Variants in MELK observed in about 807,000 individuals in gnomAD.
The protein encoded by MELK is pEg3 kinase.
MELK carries 81 observed loss-of-function variants against 85.0 expected under a neutral mutation model. The observed-to-expected ratio is 0.95, with a 90% CI of 0.80 to 1.15. The LOEUF (loss-of-function observed/expected upper bound fraction) is 1.15, where lower values mean the gene tolerates loss of function less well. Among genes scored for constraint, MELK ranks in the 50% most tolerant of loss-of-function variants. MELK has a pLI of 0.00. For missense variants in MELK, 754 were observed against 777.5 expected (o/e 0.97, Z 0.36); for synonymous variants, 252 against 265.0 (o/e 0.95, Z 0.48).
chr9:36,596,958 T>C (rs972483264), intron 5 of MELK, among the ~76,000 whole-genome samples: 3 of 152,232 alleles, frequency 2.0e-5, no homozygotes, highest in African/African-American at 4.8e-5. Context: ...ACCCGGACTT[T>C]TTAACAGAAA....
chr9:36,669,387 G>A lies in MELK; in HGVS notation c.1486G>A (p.Val496Ile). The A allele has an allele frequency of 2.5e-6, 4 of 1,604,206 alleles. No individual in the cohort carries two copies. The highest frequency in any genetic ancestry group is 3.4e-6 in the Non-Finnish European group (4 of 1,176,332). Residue 496 changes from valine to isoleucine, a missense_variant, in exon 15 of 18, where the codon GTC becomes ATC. By Grantham distance (29) the Val-to-Ile change is conservative. Coordinates refer to ENST00000298048, the MANE Select transcript of MELK (RefSeq NM_014791.4). Reference sequence around the variant, plus strand: ...AGGAACAGACAAGTTAATGACAGGTGTCATTAGCCCTGAGAGGCGGTAAGT... The same window carrying A: ...AGGAACAGACAAGTTAATGACAGGTATCATTAGCCCTGAGAGGCGGTAAGT... ...STGTDKLMTG[V>I]ISPERRCRSV...
At chr9:36,675,050 CTG>C in intron 17 of MELK, 113 bp downstream of exon 17, 1 of 641,042 alleles carries the variant, frequency 1.6e-6, no homozygotes, top group Non-Finnish European at 2.7e-6. Context: ...CTTTGGGAGG[CTG>C]AGGTGGGCAG....
intron 12 of MELK, among the ~76,000 whole-genome samples, chr9:36,656,548 T>TA (rs1195284113): frequency 6.6e-6 from 1 of 152,246 alleles, no homozygotes. Context: ...TTGTGCTGCA[T>TA]AAAGACAACG....
intron 2 of MELK, among the ~76,000 whole-genome samples, chr9:36,582,534 C>G (rs1822365589): frequency 6.6e-6 from 1 of 152,032 alleles, no homozygotes; most frequent in South Asian, 2.1e-4. Context: ...TATGTACACA[C>G]CTATGTGTGT....
chr9:36,580,691 T>C (rs545812332), intron 1 of MELK, among the ~76,000 whole-genome samples: 5 of 152,004 alleles, frequency 3.3e-5, no homozygotes, highest in Non-Finnish European at 7.4e-5. Context: ...AGACACCCTT[T>C]TCCATGTTTT....
rs984580930 is a variant in MELK at position 36,587,610 on chromosome 9, G to GC, written c.145-1919dup. ...GATTACAGGCATGAGCCACTGTAGAGCCCCCCCGCCTTTTTTTTTCTGATA... is the reference window on the plus strand; with the variant it reads ...GATTACAGGCATGAGCCACTGTAGAGCCCCCCCCGCCTTTTTTTTTCTGATA... On this transcript the variant is annotated intron_variant, in intron 3 of 17. Coordinates refer to ENST00000298048, the MANE Select transcript of MELK (RefSeq NM_014791.4). 9.6e-5 allele frequency among the ~76,000 whole-genome samples: 14 copies of GC among 146,464 alleles called. No homozygotes were observed. The South Asian group carries it at 2.5e-3, about 26-fold the overall frequency.
intron 10 of MELK, among the ~76,000 whole-genome samples, chr9:36,633,456 C>G (rs573587128): frequency 6.6e-6 from 1 of 152,256 alleles, no homozygotes; most frequent in East Asian, 1.9e-4. Flanking sequence ...CCAGGTGTTT[C>G]TCATGTGCAG....
intron 15 of MELK, among the ~76,000 whole-genome samples, chr9:36,670,581 A>G (rs961333581): frequency 6.6e-6 from 1 of 151,382 alleles, no homozygotes; most frequent in Non-Finnish European, 1.5e-5. Flanking sequence ...ATATACATTG[A>G]TGTATATATA....
At chr9:36,650,913 G>A (rs1387968711) in intron 11 of MELK, among the ~76,000 whole-genome samples, 1 of 152,260 alleles carries the variant, frequency 6.6e-6, no homozygotes, top group Non-Finnish European at 1.5e-5. Flanking sequence ...GTAAAGTGTT[G>A]GAAAGGGTGG....
chr9:36,597,282 A>G lies in MELK; in HGVS notation c.466A>G (p.Lys156Glu). 6 of 1,612,684 alleles carry G rather than the reference A, an allele frequency of 3.7e-6. No individual in the cohort carries two copies. Among genetic ancestry groups the G allele is most frequent in the Non-Finnish European group, 5.1e-6 (6 of 1,178,796 alleles). Residue 156 changes from lysine (K) to glutamate (E), a missense_variant, in exon 6 of 18, where the codon AAA becomes GAA. By Grantham distance (56) the Lys-to-Glu change is moderately conservative (BLOSUM62 1). Coordinates refer to ENST00000298048, the MANE Select transcript of MELK (RefSeq NM_014791.4). ...LKLIDFGLCAKPKGNKDYHLQ... is the reference protein window; with the variant it reads ...LKLIDFGLCAEPKGNKDYHLQ... ...GCTGATTGACTTTGGTCTCTGTGCAAAACCCAAGGTAAGTGCAGAAATAAG... is the reference window on the plus strand; with the variant it reads ...GCTGATTGACTTTGGTCTCTGTGCAGAACCCAAGGTAAGTGCAGAAATAAG...
At chr9:36,605,750 A>G (rs1825415477) in intron 7 of MELK, among the ~76,000 whole-genome samples, 1 of 151,620 alleles carries the variant, frequency 6.6e-6, no homozygotes, top group Non-Finnish European at 1.5e-5. Context: ...TAGTATAAGT[A>G]CTACCCAGAT....
chr9:36,609,839 T>C (rs1040818628), intron 8 of MELK, among the ~76,000 whole-genome samples: 1 of 152,208 alleles, frequency 6.6e-6, no homozygotes, highest in African/African-American at 2.4e-5. Context: ...ATAGAAAAGA[T>C]CTATGAAACT....
Position 36,610,363 on chromosome 9 carries a change from A to G in MELK, c.666+2690A>G, listed in dbSNP as rs374819690. Among the ~76,000 whole-genome samples the G allele has an allele frequency of 2.6e-5, 4 of 152,248 alleles. No homozygotes were observed. The East Asian group carries it at 7.7e-4, about 29-fold the overall frequency. On this transcript the variant is annotated intron_variant, in intron 8 of 17. Transcript: ENST00000298048. ...GAAGATTCTTTAAAGTTGATTCCCA[A>G]GCTTCAGAGAATAGCTTTGGAAAGA...
chr9:36,655,060 T>C (rs1831097361), intron 12 of MELK, among the ~76,000 whole-genome samples: 1 of 152,218 alleles, frequency 6.6e-6, no homozygotes, highest in Admixed American at 6.5e-5. Flanking sequence ...CAGTACAGAC[T>C]GATCCAAGAA....
chr9:36,651,798 C>G lies in MELK; in HGVS notation c.974C>G (p.Ala325Gly). The change falls in exon 12 of 18, where the codon GCT becomes GGT. Residue 325 changes from alanine to glycine, a missense_variant. Physicochemically the swap from Ala to Gly is moderately conservative, Grantham distance 60 (BLOSUM62 0). Transcript: ENST00000298048. ...TATCTTCTGCTTCTAGCCAAGAAGGCTCGGGGAAAACCAGTTCGTTTAAGG... is the reference window on the plus strand; with the variant it reads ...TATCTTCTGCTTCTAGCCAAGAAGGGTCGGGGAAAACCAGTTCGTTTAAGG... ...ATYLLLLAKK[A>G]RGKPVRLRLS... is the part of the protein sequence containing the mutation. The G allele has an allele frequency of 6.2e-7, 1 of 1,613,980 alleles. No homozygotes were observed. The highest frequency in any genetic ancestry group is 8.5e-7 in the Non-Finnish European group (1 of 1,179,936).
At chr9:36,674,213 A>T (rs1833140444) in intron 16 of MELK, among the ~76,000 whole-genome samples, 1 of 152,250 alleles carries the variant, frequency 6.6e-6, no homozygotes, top group Non-Finnish European at 1.5e-5. Flanking sequence ...ATTCAAAAGT[A>T]GTTGTTGAAT....
At position 36,622,077 on chromosome 9, in the gene MELK, T is replaced by C. The variant is rs1827504152; in HGVS notation, c.667-8222T>C. On this transcript the variant is annotated intron_variant, in intron 8 of 17. Coordinates refer to ENST00000298048, the MANE Select transcript of MELK (RefSeq NM_014791.4). ...GTGGAGATTTGGCCTTCCTAATTAATAGTATTTACTAATACTTGTATATTC... is the reference window on the plus strand; with the variant it reads ...GTGGAGATTTGGCCTTCCTAATTAACAGTATTTACTAATACTTGTATATTC... Among the ~76,000 whole-genome samples, 3 of 152,240 alleles carry C rather than the reference T, an allele frequency of 2.0e-5. No homozygotes were observed. In the South Asian group the frequency reaches 6.2e-4, roughly 31 times the overall value.
chr9:36,583,984 ATCTT>A (rs1328348291), intron 3 of MELK, among the ~76,000 whole-genome samples: 1 of 152,098 alleles, frequency 6.6e-6, no homozygotes, highest in East Asian at 1.9e-4. Context: ...AATGTGTCCC[ATCTT>A]TCTTTTCTTT....
intron 3 of MELK, among the ~76,000 whole-genome samples, chr9:36,587,217 G>A (rs762617932): frequency 2.6e-5 from 4 of 152,030 alleles, no homozygotes; most frequent in Admixed American, 6.6e-5. Flanking sequence ...TACCAAGATA[G>A]TGAAAGTTAC....
Sources: gnomAD v4.1 joint callset for allele counts (sites outside exome capture counted in the v4.1 genomes callset) on GRCh38, gnomAD v4.1.1 for gene constraint, MANE v1.5 for transcripts, NCBI Gene and HGNC (gene_info 2026-07-23, HGNC 2026-07-21) for gene names.